Variants in MRPS18A observed in about 807,000 individuals in gnomAD.
The protein encoded by MRPS18A is large ribosomal subunit protein mL66.
Under a neutral mutation model 22.7 loss-of-function variants are expected in MRPS18A, and 20 were observed. That is an observed-to-expected ratio of 0.88 (90% CI 0.62 to 1.28). MRPS18A has a LOEUF of 1.28. MRPS18A is among the 50% of genes most tolerant of loss of function. MRPS18A has a pLI of 0.00. For synonymous variants in MRPS18A, 106 were observed against 99.1 expected (o/e 1.07, Z -0.41); for missense variants, 294 against 262.6 (o/e 1.12, Z -0.83).
chr6:43,671,992 G>T, intron 5 of MRPS18A, 86 bp from the exon 6 acceptor site: 1 of 1,415,962 alleles, frequency 7.1e-7, no homozygotes, highest in African/African-American at 1.4e-5. Flanking sequence ...CCTCAGGCCA[G>T]GCCACGGTTG....
intron 3 of MRPS18A, among the ~76,000 whole-genome samples, chr6:43,677,622 G>A (rs2127946348): frequency 6.6e-6 from 1 of 152,268 alleles, no homozygotes; most frequent in Middle Eastern, 3.4e-3. Context: ...GTAGTCATTA[G>A]GAGCATGGGA....
At chr6:43,674,708 A>G (rs1773952087) in intron 5 of MRPS18A, among the ~76,000 whole-genome samples, 1 of 152,202 alleles carries the variant, frequency 6.6e-6, no homozygotes, top group South Asian at 2.1e-4. Context: ...AGGCTGCCAC[A>G]TGGCGCTGTG....
chr6:43,687,570 C>G (rs1300624290), intron 1 of MRPS18A, 98 bp downstream of exon 1: 5 of 1,102,560 alleles, frequency 4.5e-6, no homozygotes, highest in Non-Finnish European at 6.6e-6. Context: ...GTTTCAGAAT[C>G]GGACGAAGGA....
intron 1 of MRPS18A, among the ~76,000 whole-genome samples, chr6:43,684,513 T>A (rs576900087): frequency 6.6e-6 from 1 of 152,352 alleles, no homozygotes; most frequent in African/African-American, 2.4e-5. Flanking sequence ...GGTTCCCTCA[T>A]CACCTCCCCC....
chr6:43,682,853 G>T (rs1774492227), intron 1 of MRPS18A, among the ~76,000 whole-genome samples: 1 of 152,172 alleles, frequency 6.6e-6, no homozygotes, highest in Non-Finnish European at 1.5e-5. Flanking sequence ...GTCCAGTAGG[G>T]GTTCCAGGCA....
intron 2 of MRPS18A, 114 bp downstream of exon 2, chr6:43,680,975 G>A (rs945125883): frequency 1.1e-6 from 1 of 911,174 alleles, no homozygotes; most frequent in Non-Finnish European, 1.8e-6. Flanking sequence ...TGGTCATTGA[G>A]GGAGCTGATC....
intron 1 of MRPS18A, among the ~76,000 whole-genome samples, chr6:43,684,862 G>T (rs1330322902): frequency 1.3e-5 from 2 of 151,916 alleles, no homozygotes; most frequent in African/African-American, 2.4e-5. Flanking sequence ...TAATATGTTT[G>T]TTTTTTTATT....
chr6:43,671,619 A>T lies in MRPS18A; in HGVS notation c.*143T>A, dbSNP rs1773699267. 1 of 955,216 alleles carries T rather than the reference A, an allele frequency of 1.0e-6. No individual in the cohort carries two copies. Among genetic ancestry groups the T allele is most frequent in the Non-Finnish European group, 1.6e-6 (1 of 626,950 alleles). 59.2% of individuals were successfully genotyped at this position (955,216 alleles called of 1,614,324 possible). A position where few individuals can be genotyped will look rare whatever the true frequency, so the allele number is the denominator to read the frequency against. On this transcript the variant is annotated 3_prime_UTR_variant, in exon 6 of 6. Coordinates refer to ENST00000372133, the MANE Select transcript of MRPS18A (RefSeq NM_018135.4). ...GGCCAAGGGTACTGAAGTTAGTCCC[A>T]CTGTCCCCTGTCCATGCATGTTGGA... is the stretch of plus-strand genomic sequence containing the variant.
intron 1 of MRPS18A, among the ~76,000 whole-genome samples, chr6:43,686,869 C>T (rs982860782): frequency 6.6e-6 from 1 of 152,206 alleles, no homozygotes; most frequent in Non-Finnish European, 1.5e-5. Flanking sequence ...CAAGACACAT[C>T]CTCTTTATGA....
intron 4 of MRPS18A, 44 bp downstream of exon 4, chr6:43,675,450 G>A (rs1483592230): frequency 6.8e-6 from 11 of 1,613,888 alleles, no homozygotes; most frequent in African/African-American, 1.3e-5. Context: ...TGGGGAGAGA[G>A]TGCCTGCAGC....
In MRPS18A at chr6:43,675,525, G is replaced by C. The variant is rs772047306; in HGVS notation, c.345C>G (p.Ile115Met). The change falls in exon 4 of 6, where the codon ATC (isoleucine) becomes ATG (methionine). Residue 115 changes from isoleucine to methionine, a missense_variant. Physicochemically the swap from Ile to Met is conservative, Grantham distance 10 (BLOSUM62 1). Coordinates refer to ENST00000372133, the MANE Select transcript of MRPS18A (RefSeq NM_018135.4). Reference sequence around the variant, plus strand: ...GGTGGGCCATCTTCACACACTCCTCGATCTTGCGGTGTTCTTCCTGGCATA... The same window carrying C: ...GGTGGGCCATCTTCACACACTCCTCCATCTTGCGGTGTTCTTCCTGGCATA... ...TGLCQEEHRK[I>M]EECVKMAHRA... 10 of 1,614,142 alleles carry C rather than the reference G, an allele frequency of 6.2e-6. No individual in the cohort carries two copies. Among genetic ancestry groups the C allele is most frequent in the African/African-American group, 1.3e-5 (1 of 75,036 alleles).
chr6:43,680,493 T>G (rs1396340268), intron 2 of MRPS18A, among the ~76,000 whole-genome samples: 3 of 152,184 alleles, frequency 2.0e-5, no homozygotes, highest in Admixed American at 6.5e-5. Context: ...TGTTGTCTTT[T>G]AAGGATTATA....
Position 43,673,405 on chromosome 6 carries a change from A to G in MRPS18A, c.447-1499T>C, listed in dbSNP as rs1206699944. 2.0e-5 allele frequency among the ~76,000 whole-genome samples: 3 copies of G among 152,206 alleles called. No individual in the cohort carries two copies. Among genetic ancestry groups the G allele is most frequent in the Non-Finnish European group, 4.4e-5 (3 of 68,034 alleles). On this transcript the variant is annotated intron_variant, in intron 5 of 5. Transcript: ENST00000372133. This position sits in a 1 kb window ranked among gnomAD's most constrained non-coding sequence, Gnocchi z 4.2. ...ACATGAAGAGATGGGGTATGGGAGCAGGCTCCCCAGAAGGGTGCTCATTGA... is the reference window on the plus strand; with the variant it reads ...ACATGAAGAGATGGGGTATGGGAGCGGGCTCCCCAGAAGGGTGCTCATTGA...
chr6:43,687,413 T>A (rs763791777), intron 1 of MRPS18A, among the ~76,000 whole-genome samples: 58 of 152,308 alleles, frequency 3.8e-4, no homozygotes, highest in Admixed American at 1.3e-3. Context: ...TAGGACAGGT[T>A]TAGTGTCTGC....
intron 2 of MRPS18A, among the ~76,000 whole-genome samples, chr6:43,679,066 C>G (rs545656189): frequency 3.3e-5 from 5 of 152,358 alleles, no homozygotes; most frequent in Admixed American, 2.6e-4. Flanking sequence ...GCCTCCCTCC[C>G]ATCCCACATG....
At chr6:43,679,650 G>A (rs1327524814) in intron 2 of MRPS18A, among the ~76,000 whole-genome samples, 3 of 152,144 alleles carry the variant, frequency 2.0e-5, no homozygotes, top group East Asian at 1.9e-4. Flanking sequence ...GGCTGGGACG[G>A]GTCTGAGAGG....
intron 2 of MRPS18A, 143 bp downstream of exon 2, chr6:43,680,946 T>C (rs1056364873): frequency 4.5e-5 from 32 of 713,840 alleles, no homozygotes; most frequent in Middle Eastern, 5.9e-4. Context: ...GCTTGAAAAA[T>C]AGTAGGCTGT....
chr6:43,681,162 A>G (rs1286693073), intron 1 of MRPS18A, 42 bp from the exon 2 acceptor site: 1 of 1,595,548 alleles, frequency 6.3e-7, no homozygotes, highest in South Asian at 1.1e-5. Flanking sequence ...GCCATTTAAT[A>G]AGGAACAGAG....
chr6:43,671,958 A>G, intron 5 of MRPS18A, 52 bp from the exon 6 acceptor site: 4 of 1,519,752 alleles, frequency 2.6e-6, no homozygotes, highest in Non-Finnish European at 3.5e-6. Flanking sequence ...CCCAAGCTGG[A>G]CGTGGGAGAG....
Sources: allele counts gnomAD v4.1 joint callset (sites outside exome capture counted in the v4.1 genomes callset), GRCh38; gene constraint gnomAD v4.1.1; non-coding constraint Gnocchi (gnomAD v3.1); transcripts MANE v1.5; gene names NCBI Gene and HGNC (gene_info 2026-07-23, HGNC 2026-07-21).